The following ZNF385D variants were observed in gnomAD, a reference collection of about 807,000 sequenced individuals.
ZNF385D encodes zinc finger protein 385D, also known as zinc finger protein 659.
A neutral mutation model predicts 35.8 loss-of-function variants in ZNF385D; 15 were observed. That is an observed-to-expected ratio of 0.42 (90% CI 0.28 to 0.64). The LOEUF (loss-of-function observed/expected upper bound fraction) is 0.64, where lower values mean the gene tolerates loss of function less well. Among genes scored for constraint, ZNF385D ranks in the 30% least tolerant of loss-of-function variants. The pLI is 0.23. For synonymous variants in ZNF385D, 212 were observed against 186.8 expected (o/e 1.13, Z -1.10); for missense variants, 474 against 494.6 (o/e 0.96, Z 0.39).
intron 3 of ZNF385D, among the ~76,000 whole-genome samples, chr3:21,806,785 G>C (rs2072671926): frequency 6.6e-6 from 1 of 152,162 alleles, no homozygotes; most frequent in Non-Finnish European, 1.5e-5. Flanking sequence ...CTCCCGCTAA[G>C]AATACAAACT....
intron 1 of ZNF385D, among the ~76,000 whole-genome samples, chr3:21,706,749 G>T (rs964609453): frequency 2.7e-4 from 41 of 152,094 alleles, no homozygotes; most frequent in African/African-American, 8.7e-4. Context: ...AGGTAACAGA[G>T]CACCACATCA....
At chr3:22,111,230 T>A (rs1402103519) in intron 3 of ZNF385D, among the ~76,000 whole-genome samples, 4 of 139,024 alleles carry the variant, frequency 2.9e-5, no homozygotes, top group Non-Finnish European at 6.1e-5. Flanking sequence ...TTGGAAAGCA[T>A]CTATAAACTG....
chr3:21,891,007 C>G (rs1189404399), intron 3 of ZNF385D, among the ~76,000 whole-genome samples: 2 of 152,104 alleles, frequency 1.3e-5, no homozygotes, highest in Non-Finnish European at 2.9e-5. Flanking sequence ...CCACTTGGAA[C>G]TGGACTAATA....
At chr3:21,808,760 G>A (rs1219104459) in intron 3 of ZNF385D, among the ~76,000 whole-genome samples, 1 of 152,156 alleles carries the variant, frequency 6.6e-6, no homozygotes, top group Admixed American at 6.5e-5. Context: ...GAGTCCCAGG[G>A]GAAACCCTAG....
chr3:21,427,531 A>G (rs1394709479), intron 5 of ZNF385D, among the ~76,000 whole-genome samples: 1 of 152,270 alleles, frequency 6.6e-6, no homozygotes, highest in South Asian at 2.1e-4. Context: ...TTGGGAAGAG[A>G]AAAAAGCCAG....
At chr3:21,931,858 G>A (rs890299719) in intron 3 of ZNF385D, among the ~76,000 whole-genome samples, 1 of 151,994 alleles carries the variant, frequency 6.6e-6, no homozygotes, top group African/African-American at 2.4e-5. Context: ...ACTCAATAAT[G>A]GTGTTAAGAA....
At chr3:22,311,566 G>GA in intron 2 of ZNF385D, among the ~76,000 whole-genome samples, 1 of 152,114 alleles carries the variant, frequency 6.6e-6, no homozygotes, top group African/African-American at 2.4e-5. Context: ...AAGACTGGTG[G>GA]AAAAAGTCAA....
intron 3 of ZNF385D, among the ~76,000 whole-genome samples, chr3:21,892,518 T>TATA (rs1161557459): frequency 6.6e-6 from 1 of 152,186 alleles, no homozygotes; most frequent in Non-Finnish European, 1.5e-5. Flanking sequence ...CATTACTGAT[T>TATA]TGGTAAAACT....
chr3:21,634,027 T>A (rs1173709144), intron 2 of ZNF385D, among the ~76,000 whole-genome samples: 1 of 151,640 alleles, frequency 6.6e-6, no homozygotes, highest in African/African-American at 2.4e-5. Flanking sequence ...AAGACCCCCA[T>A]CTCTGCAAAA....
intron 3 of ZNF385D, among the ~76,000 whole-genome samples, chr3:22,074,353 A>G (rs1056504986): frequency 1.3e-5 from 2 of 151,984 alleles, no homozygotes; most frequent in African/African-American, 4.8e-5. Flanking sequence ...CTGTAATTCT[A>G]TCCTTTGCTA....
intron 2 of ZNF385D, among the ~76,000 whole-genome samples, chr3:21,589,854 A>G (rs1007719399): frequency 6.6e-6 from 1 of 152,190 alleles, no homozygotes; most frequent in African/African-American, 2.4e-5. Flanking sequence ...GCAACCACTG[A>G]TGAAGATGTA....
intron 2 of ZNF385D, among the ~76,000 whole-genome samples, chr3:21,625,173 T>G (rs2065101774): frequency 6.6e-6 from 1 of 152,032 alleles, no homozygotes; most frequent in Non-Finnish European, 1.5e-5. Context: ...ATCACCTAAT[T>G]AACTTTATAA....
intron 3 of ZNF385D, among the ~76,000 whole-genome samples, chr3:21,513,664 A>G (rs1707372897): frequency 1.3e-5 from 2 of 152,078 alleles, no homozygotes; most frequent in African/African-American, 4.8e-5. Flanking sequence ...GTAATTGTGC[A>G]GGGTATGTGT....
intron 5 of ZNF385D, among the ~76,000 whole-genome samples, chr3:21,436,539 T>C (rs1701558941): frequency 6.6e-6 from 1 of 152,176 alleles, no homozygotes; most frequent in African/African-American, 2.4e-5. Flanking sequence ...AACATTATTT[T>C]TTTCATAAAA....
intron 3 of ZNF385D, among the ~76,000 whole-genome samples, chr3:21,985,941 T>C (rs974509698): frequency 3.9e-5 from 5 of 128,488 alleles, no homozygotes; most frequent in Admixed American, 3.8e-4. Context: ...CTAGATTTTC[T>C]AGTTTATTTG....
chr3:22,130,418 T>C (rs1305108518), intron 3 of ZNF385D, among the ~76,000 whole-genome samples: 2 of 152,162 alleles, frequency 1.3e-5, no homozygotes, highest in Non-Finnish European at 2.9e-5. Context: ...CAAGTTTATT[T>C]AGAAACCCAT....
At chr3:21,760,508 T>G (rs76579253) in intron 3 of ZNF385D, among the ~76,000 whole-genome samples, 12,047 of 152,286 alleles carry the variant, frequency 0.079, 647 homozygotes, top group South Asian at 0.17. Context: ...GCTACTTATA[T>G]GAAGGTAACC....
chr3:21,824,642 T>C (rs1017417662), intron 3 of ZNF385D, among the ~76,000 whole-genome samples: 1 of 152,006 alleles, frequency 6.6e-6, no homozygotes, highest in African/African-American at 2.4e-5. Flanking sequence ...TTTAAGAACC[T>C]GATAAAGAAG....
In ZNF385D at chr3:21,940,250, T is replaced by C. The variant is rs115004617; in HGVS notation, c.325+228567A>G. Among the ~76,000 whole-genome samples, 342 of 152,258 alleles carry C rather than the reference T, an allele frequency of 2.2e-3. 2 individuals carry two copies. The highest frequency in any genetic ancestry group is 7.8e-3 in the African/African-American group (323 of 41,552). On this transcript the variant is annotated intron_variant, in intron 3 of 5. Transcript: ENST00000494108. ...TAACGTATCATCAGGTAATGTGATGTAGCAAAAAAAGTGTTTATGGATTTT... is the reference window on the plus strand; with the variant it reads ...TAACGTATCATCAGGTAATGTGATGCAGCAAAAAAAGTGTTTATGGATTTT...
Sources: allele counts gnomAD v4.1 joint callset (sites outside exome capture counted in the v4.1 genomes callset), GRCh38; gene constraint gnomAD v4.1.1; transcripts MANE v1.5; gene names NCBI Gene and HGNC (gene_info 2026-07-23, HGNC 2026-07-21).